Variants in SUPT3H observed in about 807,000 individuals in gnomAD.
SUPT3H encodes transcription initiation protein SPT3 homolog.
Under a neutral mutation model 44.3 loss-of-function variants are expected in SUPT3H, and 44 were observed. The ratio of observed to expected loss-of-function variants is 0.99; its 90% CI spans 0.78 to 1.28. The LOEUF (loss-of-function observed/expected upper bound fraction) is 1.28, where lower values mean the gene tolerates loss of function less well. Among genes scored for constraint, SUPT3H ranks in the 50% most tolerant of loss-of-function variants. The pLI is 0.00. For synonymous variants in SUPT3H, 124 were observed against 125.6 expected (o/e 0.99, Z 0.09); for missense variants, 380 against 387.1 (o/e 0.98, Z 0.15).
chr6:45,346,567 C>CTTT (rs71745024), intron 2 of SUPT3H, among the ~76,000 whole-genome samples: 2,051 of 140,416 alleles, frequency 0.015, 61 homozygotes, highest in African/African-American at 0.05. Flanking sequence ...ATAAACATTT[C>CTTT]TTTTTTTTTT....
At chr6:45,148,412 C>T (rs536335759) in intron 2 of SUPT3H, among the ~76,000 whole-genome samples, 1 of 152,010 alleles carries the variant, frequency 6.6e-6, no homozygotes, top group Non-Finnish European at 1.5e-5. Flanking sequence ...CAAATGTGTC[C>T]CAATCCAACT....
At chr6:45,113,771 G>A (rs947604150) in intron 2 of SUPT3H, among the ~76,000 whole-genome samples, 5 of 150,572 alleles carry the variant, frequency 3.3e-5, no homozygotes, top group African/African-American at 4.9e-5. Context: ...CAGAGGTTGC[G>A]GTGAGCCGAG....
chr6:45,166,329 C>G (rs1276303464), intron 2 of SUPT3H, among the ~76,000 whole-genome samples: 1 of 152,064 alleles, frequency 6.6e-6, no homozygotes, highest in Non-Finnish European at 1.5e-5. Context: ...TGGCTCACAC[C>G]TGTAATCCTA....
intron 2 of SUPT3H, among the ~76,000 whole-genome samples, chr6:45,285,111 C>T (rs1313166027): frequency 6.6e-5 from 10 of 151,600 alleles, no homozygotes; most frequent in African/African-American, 2.4e-4. Context: ...TAAGAGCTAT[C>T]TATGACAAAC....
Position 44,928,883 on chromosome 6 carries a change from A to AAAAT in SUPT3H, c.912+3769_912+3770insATTT, listed in dbSNP as rs1491383475. ...GGGCGACAGAACGAGACTCCGTCTC[A>AAAAT]AAAAAAAAAAAAAAAAAAAAAGAAA... On this transcript the variant is annotated intron_variant, in intron 10 of 10. Transcript: ENST00000371459. Among the ~76,000 whole-genome samples the AAAAT allele has an allele frequency of 3.3e-4, 21 of 63,380 alleles. 1 individual carries two copies. Among genetic ancestry groups the AAAAT allele is most frequent in the Middle Eastern group, 7.7e-3 (1 of 130 alleles). 41.6% of individuals were successfully genotyped at this position (63,380 alleles called of 152,430 possible).
chr6:45,214,015 C>CAAAAAAAAAAA (rs11418358), intron 2 of SUPT3H, among the ~76,000 whole-genome samples: 4 of 74,098 alleles, frequency 5.4e-5, no homozygotes, highest in Non-Finnish European at 7.3e-5. Context: ...TTTTGAAATG[C>CAAAAAAAAAAA]AAAAAAAAAA....
In SUPT3H at chr6:45,377,737, TCCCCGCACCGCC is replaced by T. The variant is rs1797026507; in HGVS notation, c.-1+19_-1+30del. On this transcript the variant is annotated intron_variant, in intron 1 of 10. Coordinates refer to ENST00000371459, the MANE Select transcript of SUPT3H (RefSeq NM_003599.4). ...CTCTCTGACGTCTCCCCCGCCCGAATCCCCGCACCGCCCCCCGCAAGCCCTACAACCTCTGCT... is the reference window on the plus strand; with the variant it reads ...CTCTCTGACGTCTCCCCCGCCCGAATCCCCGCAAGCCCTACAACCTCTGCT... 2 of 152,136 alleles carry T rather than the reference TCCCCGCACCGCC, an allele frequency of 1.3e-5. No individual in the cohort carries two copies. The highest frequency in any genetic ancestry group is 4.8e-5 in the African/African-American group (2 of 41,388). 9.4% of individuals were successfully genotyped at this position (152,136 alleles called of 1,614,324 possible). A position where few individuals can be genotyped will look rare whatever the true frequency, so the allele number is the denominator to read the frequency against.
chr6:45,094,257 T>C (rs1331652721), intron 3 of SUPT3H, among the ~76,000 whole-genome samples: 1 of 151,942 alleles, frequency 6.6e-6, no homozygotes, highest in African/African-American at 2.4e-5. Flanking sequence ...AGTCAGGGGA[T>C]AGGAGTCTAG....
At chr6:45,321,495 T>C (rs1785494570) in intron 2 of SUPT3H, among the ~76,000 whole-genome samples, 1 of 152,200 alleles carries the variant, frequency 6.6e-6, no homozygotes, top group South Asian at 2.1e-4. Context: ...CATATCTCTT[T>C]TAAGACTATG....
chr6:45,281,137 C>G (rs143939740), intron 2 of SUPT3H, among the ~76,000 whole-genome samples: 1 of 152,088 alleles, frequency 6.6e-6, no homozygotes, highest in African/African-American at 2.4e-5. Context: ...CGAATAGGAA[C>G]AGCTCCAGTC....
intron 10 of SUPT3H, among the ~76,000 whole-genome samples, chr6:44,900,578 T>C (rs1238662253): frequency 6.6e-6 from 1 of 152,194 alleles, no homozygotes; most frequent in Non-Finnish European, 1.5e-5. Context: ...CCTTACTGTG[T>C]AGACTCCACC....
intron 6 of SUPT3H, among the ~76,000 whole-genome samples, chr6:44,996,308 T>A (rs1781265735): frequency 6.6e-6 from 1 of 151,866 alleles, no homozygotes; most frequent in Non-Finnish European, 1.5e-5. Context: ...TATTTTTATT[T>A]CTTCTTGTTT....
At chr6:45,275,909 T>C (rs4339452) in intron 2 of SUPT3H, among the ~76,000 whole-genome samples, 22,803 of 152,014 alleles carry the variant, frequency 0.15, 1,952 homozygotes, top group East Asian at 0.26. Flanking sequence ...CTGAAAAGTC[T>C]CCCTCCTATT....
Position 45,376,480 on chromosome 6 carries a change from T to C in SUPT3H, c.-1+1288A>G, listed in dbSNP as rs144957312. 2.2e-3 allele frequency among the ~76,000 whole-genome samples: 338 copies of C among 152,342 alleles called. 1 individual carries two copies. Among genetic ancestry groups the C allele is most frequent in the African/African-American group, 7.8e-3 (324 of 41,574 alleles). ...AAATTAAGTTCCTCAGTGACACTTA[T>C]CACATTTCAAGTGCTGAAGAGCCAC... On this transcript the variant is annotated intron_variant, in intron 1 of 10. Transcript: ENST00000371459.
intron 2 of SUPT3H, among the ~76,000 whole-genome samples, chr6:45,171,482 A>G: frequency 6.6e-6 from 1 of 152,174 alleles, no homozygotes; most frequent in East Asian, 1.9e-4. Flanking sequence ...CTACACAGAA[A>G]TCAGTACATG....
At chr6:44,821,862 G>A (rs1205619350), downstream of SUPT3H, among the ~76,000 whole-genome samples, 1 of 152,098 alleles carries the variant, frequency 6.6e-6, no homozygotes, top group Non-Finnish European at 1.5e-5. Flanking sequence ...ATAAAGTACA[G>A]AAAGCAACGA....
At chr6:45,313,656 T>TAA (rs70996323) in intron 2 of SUPT3H, among the ~76,000 whole-genome samples, 67,471 of 144,596 alleles carry the variant, frequency 0.47, 16,747 homozygotes, top group African/African-American at 0.63. Flanking sequence ...TTAAAAATTA[T>TAA]AAAAAAAAAA....
chr6:45,051,683 A>G (rs2153536512), intron 3 of SUPT3H, among the ~76,000 whole-genome samples: 1 of 152,310 alleles, frequency 6.6e-6, no homozygotes, highest in Admixed American at 6.5e-5. Context: ...AAAAGCTGCT[A>G]AAGAGCAGAA....
rs552840674 is a variant in SUPT3H at position 44,907,325 on chromosome 6, T to A, written c.912+25328A>T. On this transcript the variant is annotated intron_variant, in intron 10 of 10. Coordinates refer to ENST00000371459, the MANE Select transcript of SUPT3H (RefSeq NM_003599.4). The stretch of plus-strand genomic sequence containing the variant: ...ATCTATTTCACGATATTTGACTGTA[T>A]TAGCATTGTACAATGGATTTCATTT... Among the ~76,000 whole-genome samples the A allele has an allele frequency of 1.4e-4, 22 of 152,328 alleles. No homozygotes were observed. In the South Asian group the frequency reaches 4.4e-3, roughly 30 times the overall value.
Sources: gnomAD v4.1 joint callset for allele counts (sites outside exome capture counted in the v4.1 genomes callset) on GRCh38, gnomAD v4.1.1 for gene constraint, MANE v1.5 for transcripts, NCBI Gene and HGNC (gene_info 2026-07-23, HGNC 2026-07-21) for gene names.